The following GRK7 variants were observed in gnomAD, a reference collection of about 807,000 sequenced individuals.
GRK7 encodes G protein-coupled receptor kinase 7, also known as rhodopsin kinase GRK7.
In GRK7, 24 loss-of-function variants were observed where a neutral mutation model predicts 34.1. The ratio of observed to expected loss-of-function variants is 0.70; its 90% CI spans 0.51 to 0.99. The LOEUF is 0.99. Among genes scored for constraint, GRK7 ranks in the 50% least tolerant of loss-of-function variants. The probability of loss-of-function intolerance (pLI) is 0.00; values close to 1 mark genes in which losing one functional copy is unlikely to be tolerated. For synonymous variants in GRK7, 256 were observed against 279.4 expected (o/e 0.92, Z 0.84); for missense variants, 644 against 707.3 (o/e 0.91, Z 1.02).
chr3:141,790,602 T>A (rs1232448983), intron 4 of GRK7, among the ~76,000 whole-genome samples: 2 of 150,128 alleles, frequency 1.3e-5, no homozygotes, highest in African/African-American at 4.9e-5. Flanking sequence ...CTTGCTCTGT[T>A]GCCCAGGCTG....
upstream of GRK7, among the ~76,000 whole-genome samples, chr3:141,762,333 A>G (rs1196742482): frequency 6.7e-6 from 1 of 149,964 alleles, no homozygotes; most frequent in East Asian, 2.0e-4. Context: ...TCCTTCTAAC[A>G]GACAGGACCC....
At chr3:141,757,399 C>T in the GRK7 span, among the ~76,000 whole-genome samples, 169 of 129,268 alleles carry the variant, frequency 1.3e-3, no homozygotes, top group South Asian at 8.1e-3. Flanking sequence ...TGAGAATATG[C>T]GGTGTTTGGT....
At chr3:141,780,070 C>G (rs2084663659) in intron 3 of GRK7, among the ~76,000 whole-genome samples, 1 of 152,212 alleles carries the variant, frequency 6.6e-6, no homozygotes, top group Admixed American at 6.5e-5. Flanking sequence ...CTATGTTTAA[C>G]TTTTCAAGGA....
chr3:141,754,206 G>T, the GRK7 span, among the ~76,000 whole-genome samples: 1 of 152,142 alleles, frequency 6.6e-6, no homozygotes, highest in African/African-American at 2.4e-5. Context: ...AGGAAGTCCA[G>T]GGCTGGTACA....
rs1312530254 is a variant in GRK7 at position 141,780,561 on chromosome 3, T to G, written c.800T>G (p.Val267Gly). The change falls in exon 4 of 6, where the codon GTC becomes GGC. Residue 267 changes from valine to glycine, a missense_variant. Coordinates refer to ENST00000682958, the MANE Select transcript of GRK7 (RefSeq NM_139209.3). The stretch of plus-strand genomic sequence containing the variant: ...GAGAGCAAGACCCATCTCTGCCTTG[T>G]CATGAGCCTGATGAATGGGGGAGAC... ...AFESKTHLCL[V>G]MSLMNGGDLK... The G allele has an allele frequency of 6.2e-7, 1 of 1,614,204 alleles. No homozygotes were observed. Among genetic ancestry groups the G allele is most frequent in the South Asian group, 1.1e-5 (1 of 91,086 alleles).
intron 4 of GRK7, among the ~76,000 whole-genome samples, chr3:141,800,941 T>TATCAATAAA (rs1157921971): frequency 5.9e-5 from 9 of 152,218 alleles, no homozygotes; most frequent in Non-Finnish European, 1.0e-4. Flanking sequence ...ATTAATTATG[T>TATCAATAAA]ATCAATAAAA....
chr3:141,792,327 C>T (rs1161809603), intron 4 of GRK7, among the ~76,000 whole-genome samples: 1 of 151,332 alleles, frequency 6.6e-6, no homozygotes, highest in Non-Finnish European at 1.5e-5. Flanking sequence ...TTGCTTGAAC[C>T]CAAGAGACGG....
chr3:141,771,236 CAT>C, intron 1 of GRK7, among the ~76,000 whole-genome samples: 1 of 152,102 alleles, frequency 6.6e-6, no homozygotes, highest in East Asian at 1.9e-4. Flanking sequence ...TGTGTGTACA[CAT>C]ATCCATACAT....
At position 141,777,491 on chromosome 3, in the gene GRK7, A is replaced by AT. The variant is rs530806848; in HGVS notation, c.-113-666dup. Among the ~76,000 whole-genome samples the AT allele has an allele frequency of 8.0e-3, 642 of 80,552 alleles. 21 individuals are homozygous for AT. Among genetic ancestry groups the AT allele is most frequent in the Middle Eastern group, 0.047 (5 of 106 alleles). The allele number at this position is 80,552 out of a possible 152,430, so 52.8% of individuals were successfully genotyped here. On this transcript the variant is annotated intron_variant, in intron 2 of 5. Coordinates refer to ENST00000682958, the MANE Select transcript of GRK7 (RefSeq NM_139209.3). ...AGGCGCCCGCCATCAAGCCCGGCTA[A>AT]TTTTTTTTTTTTTTTGTATTTTTTT...
At chr3:141,808,208 G>T (rs570540445) in intron 5 of GRK7, among the ~76,000 whole-genome samples, 5 of 152,110 alleles carry the variant, frequency 3.3e-5, no homozygotes, top group Non-Finnish European at 5.9e-5. Flanking sequence ...ATATTTCAAG[G>T]AATTTATAGG....
chr3:141,751,892 T>C, the GRK7 span, among the ~76,000 whole-genome samples: 1 of 152,258 alleles, frequency 6.6e-6, no homozygotes, highest in Non-Finnish European at 1.5e-5. Flanking sequence ...ACAATGTCGA[T>C]GATCCATTCT....
In GRK7 at chr3:141,778,550, A is replaced by G; in HGVS notation, c.266A>G (p.Asp89Gly). ...CGCAAGGCGGCAACCTTCCTAGAGG[A>G]CGTGCAGAACTGGGAGCTGGCCGAG... is the stretch of plus-strand genomic sequence containing the variant. ...TFRKAATFLEDVQNWELAEEG... is the reference protein window; with the variant it reads ...TFRKAATFLEGVQNWELAEEG... Residue 89 changes from aspartate (D) to glycine (G), a missense_variant, in exon 3 of 6, where the codon GAC (aspartate) becomes GGC (glycine). Transcript: ENST00000682958. This position sits in a 1 kb window ranked among gnomAD's most constrained non-coding sequence, Gnocchi z 4.1. 1.9e-6 allele frequency: 3 copies of G among 1,613,334 alleles called. No homozygotes were observed. Among genetic ancestry groups the G allele is most frequent in the Non-Finnish European group, 8.5e-7 (1 of 1,179,960 alleles).
intron 5 of GRK7, among the ~76,000 whole-genome samples, chr3:141,810,595 A>G (rs1175677293): frequency 2.0e-5 from 3 of 152,034 alleles, no homozygotes; most frequent in Admixed American, 6.6e-5. Flanking sequence ...GCTCACTGCA[A>G]TCTCTCAGCC....
intron 4 of GRK7, among the ~76,000 whole-genome samples, chr3:141,797,419 T>C (rs1358774792): frequency 6.6e-6 from 1 of 152,094 alleles, no homozygotes; most frequent in Non-Finnish European, 1.5e-5. Flanking sequence ...CAAAGGCCAC[T>C]GCTTAAAGGC....
intron 4 of GRK7, among the ~76,000 whole-genome samples, chr3:141,789,655 G>GAAAAA (rs1559843385): frequency 5.6e-5 from 3 of 53,912 alleles, no homozygotes; most frequent in Non-Finnish European, 6.7e-5. Context: ...TGCCAAATGG[G>GAAAAA]CAAAAAAAAA....
the GRK7 span, among the ~76,000 whole-genome samples, chr3:141,755,015 A>T: frequency 6.6e-6 from 1 of 152,234 alleles, no homozygotes; most frequent in Non-Finnish European, 1.5e-5. Flanking sequence ...GTATGGAAAA[A>T]ATATGATGTT....
intron 2 of GRK7, among the ~76,000 whole-genome samples, chr3:141,775,817 T>A (rs1314938058): frequency 6.6e-6 from 1 of 152,142 alleles, no homozygotes; most frequent in Non-Finnish European, 1.5e-5. Flanking sequence ...ATTAATGTAG[T>A]TGCTAGAAAA....
At chr3:141,806,236 T>C (rs1343575196) in intron 4 of GRK7, among the ~76,000 whole-genome samples, 1 of 152,124 alleles carries the variant, frequency 6.6e-6, no homozygotes, top group Non-Finnish European at 1.5e-5. Flanking sequence ...TTACCTTTCG[T>C]TTCCCATTGC....
intron 5 of GRK7, among the ~76,000 whole-genome samples, chr3:141,810,869 A>G (rs1028913507): frequency 6.6e-6 from 1 of 152,132 alleles, no homozygotes; most frequent in Non-Finnish European, 1.5e-5. Context: ...GACCACTGAC[A>G]ATCACTAACA....
Sources: allele counts gnomAD v4.1 joint callset (sites outside exome capture counted in the v4.1 genomes callset), GRCh38; gene constraint gnomAD v4.1.1; non-coding constraint Gnocchi (gnomAD v3.1); transcripts MANE v1.5; gene names NCBI Gene and HGNC (gene_info 2026-07-23, HGNC 2026-07-21).